PHACTR2: variants seen among roughly 807,000 people sequenced by gnomAD.
PHACTR2 encodes the protein phosphatase and actin regulator 2.
Under a neutral mutation model 76.0 loss-of-function variants are expected in PHACTR2, and 30 were observed. The ratio of observed to expected loss-of-function variants is 0.39; its 90% CI spans 0.30 to 0.54. The LOEUF (loss-of-function observed/expected upper bound fraction) is 0.54, where lower values mean the gene tolerates loss of function less well. PHACTR2 is among the 20% of genes least tolerant of loss of function. The pLI, the probability that PHACTR2 is intolerant of heterozygous loss-of-function variation, is 0.61. For synonymous variants in PHACTR2, 292 were observed against 292.5 expected (o/e 1.00, Z 0.02); for missense variants, 696 against 781.1 (o/e 0.89, Z 1.30).
Position 143,742,162 on chromosome 6 carries a change from A to G in PHACTR2, c.215-6823A>G, listed in dbSNP as rs1214158451. ...CTTTTTTGATTAGTCAGGGCTCTTC[A>G]CTGCTGATGAATCATGACAAACTTA... On this transcript the variant is annotated intron_variant, in intron 2 of 12. Transcript: ENST00000440869. The surrounding 1 kb of genome is among the most constrained non-coding windows in gnomAD (Gnocchi z 4.5). Among the ~76,000 whole-genome samples, 3 of 145,684 alleles carry G rather than the reference A, an allele frequency of 2.1e-5. No homozygotes were observed. The highest frequency in any genetic ancestry group is 8.3e-5 in the African/African-American group (3 of 36,218).
rs188928642 is a variant in PHACTR2 at position 143,708,929 on chromosome 6, C to T, written c.47-3087C>T. On this transcript the variant is annotated intron_variant, in intron 1 of 12. Coordinates refer to ENST00000440869, the MANE Select transcript of PHACTR2 (RefSeq NM_001100164.2). This position sits in a 1 kb window ranked among gnomAD's most constrained non-coding sequence, Gnocchi z 5.5. ...AGAAAATGAAAACTGGACATGTAGC[C>T]ACAGAGATGAATTTGAGATGGAAAC... 2.4e-4 allele frequency among the ~76,000 whole-genome samples: 36 copies of T among 152,236 alleles called. No homozygotes were observed. Among genetic ancestry groups the T allele is most frequent in the Non-Finnish European group, 2.2e-4 (15 of 68,012 alleles).
Position 143,556,905 on chromosome 6 carries a change from C to T in PHACTR2, c.217+19698C>T, listed in dbSNP as rs957562615. On this transcript the variant is annotated intron_variant, in intron 1 of 11. Transcript: ENST00000367584. The surrounding 1 kb of genome is among the most constrained non-coding windows in gnomAD (Gnocchi z 4.3). ...AACTAATAAAAATGATGCACAAAGA[C>T]GTGAGAAGATATGCTGCCTGTCTGT... Among the ~76,000 whole-genome samples, 7 of 152,142 alleles carry T rather than the reference C, an allele frequency of 4.6e-5. No individual in the cohort carries two copies. Among genetic ancestry groups the T allele is most frequent in the Admixed American group, 1.3e-4 (2 of 15,284 alleles).
At chr6:143,814,092 A>T (rs994644412) in intron 12 of PHACTR2, among the ~76,000 whole-genome samples, 5 of 152,240 alleles carry the variant, frequency 3.3e-5, no homozygotes, top group Admixed American at 6.5e-5. Flanking sequence ...ACAGTGGCTC[A>T]TGCCTGTAAT....
chr6:143,754,473 C>G lies in PHACTR2; in HGVS notation c.454+561C>G, dbSNP rs958308945. On this transcript the variant is annotated intron_variant, in intron 4 of 12. Transcript: ENST00000440869. This position sits in a 1 kb window ranked among gnomAD's most constrained non-coding sequence, Gnocchi z 6.2. Reference sequence around the variant, plus strand: ...ACTGTGGTTGCTCTGCTGGCTGATTCCCACAGCCTCTGTGCAATTGGAAAC... The same window carrying G: ...ACTGTGGTTGCTCTGCTGGCTGATTGCCACAGCCTCTGTGCAATTGGAAAC... Among the ~76,000 whole-genome samples, 1 of 152,220 alleles carries G rather than the reference C, an allele frequency of 6.6e-6. No individual in the cohort carries two copies. The highest frequency in any genetic ancestry group is 2.4e-5 in the African/African-American group (1 of 41,460).
rs912487823 is a variant in PHACTR2 at position 143,663,630 on chromosome 6, T to C, written c.14-48386T>C. Among the ~76,000 whole-genome samples the C allele has an allele frequency of 6.6e-6, 1 of 152,198 alleles. No individual in the cohort carries two copies. Among genetic ancestry groups the C allele is most frequent in the Non-Finnish European group, 1.5e-5 (1 of 68,032 alleles). ...TTCTACATGTTTTATAGTGCTTTCATTGTTGTTTAGTTCTAAATATTTTAT... is the reference window on the plus strand; with the variant it reads ...TTCTACATGTTTTATAGTGCTTTCACTGTTGTTTAGTTCTAAATATTTTAT... On this transcript the variant is annotated intron_variant, in intron 1 of 11. Coordinates refer to the PHACTR2 transcript ENST00000305766. This position sits in a 1 kb window ranked among gnomAD's most constrained non-coding sequence, Gnocchi z 4.1.
Position 143,783,005 on chromosome 6 carries a change from A to ATGTGTGTGTGTGTGTGTGTG in PHACTR2, c.1646-202_1646-183dup, listed in dbSNP as rs144077213. Among the ~76,000 whole-genome samples the ATGTGTGTGTGTGTGTGTGTG allele has an allele frequency of 4.8e-5, 7 of 146,220 alleles. No homozygotes were observed. The highest frequency in any genetic ancestry group is 2.0e-4 in the East Asian group (1 of 4,928). On this transcript the variant is annotated intron_variant, in intron 9 of 12. Transcript: ENST00000440869. This position sits in a 1 kb window ranked among gnomAD's most constrained non-coding sequence, Gnocchi z 5.2. ...AGCAAACCAGTCCTACAAAAAAAGC[A>ATGTGTGTGTGTGTGTGTGTG]TGTGTGTGTGTGTGTGTGTGTGTGT...
rs1775612594 is a variant in PHACTR2 at position 143,585,047 on chromosome 6, A to C, written c.217+47840A>C. ...TCTATAGGCTTGGCTGTCATAACTC[A>C]AGTTGTTGGGGGACACATGACTATT... is the stretch of plus-strand genomic sequence containing the variant. On this transcript the variant is annotated intron_variant, in intron 1 of 11. Transcript: ENST00000367584. This position sits in a 1 kb window ranked among gnomAD's most constrained non-coding sequence, Gnocchi z 5.2. Among the ~76,000 whole-genome samples the C allele has an allele frequency of 6.6e-6, 1 of 151,452 alleles. No homozygotes were observed. The highest frequency in any genetic ancestry group is 6.6e-5 in the Admixed American group (1 of 15,206).
intron 1 of PHACTR2, among the ~76,000 whole-genome samples, chr6:143,699,530 A>T (rs116430905): frequency 5.9e-4 from 90 of 152,244 alleles, no homozygotes; most frequent in African/African-American, 2.1e-3. Context: ...AGACTCCACC[A>T]AATAACTTCA....
At chr6:143,729,256 T>C (rs1247139224) in intron 2 of PHACTR2, among the ~76,000 whole-genome samples, 1 of 152,192 alleles carries the variant, frequency 6.6e-6, no homozygotes, top group Non-Finnish European at 1.5e-5. Flanking sequence ...CTTTGTTGTA[T>C]ATGTGATTTG....
At chr6:143,682,727 G>T (rs1336400479) in intron 1 of PHACTR2, among the ~76,000 whole-genome samples, 3 of 151,614 alleles carry the variant, frequency 2.0e-5, no homozygotes, top group Admixed American at 2.0e-4. Context: ...AGTGGCAGTT[G>T]TGAGCATTTT....
rs984782466 is a variant in PHACTR2 at position 143,611,449 on chromosome 6, G to A, written c.13+3127G>A. Among the ~76,000 whole-genome samples the A allele has an allele frequency of 7.9e-5, 12 of 152,206 alleles. No individual in the cohort carries two copies. The highest frequency in any genetic ancestry group is 1.8e-4 in the Non-Finnish European group (12 of 68,034). On this transcript the variant is annotated intron_variant, in intron 1 of 11. Transcript: ENST00000305766. The surrounding 1 kb of genome is among the most constrained non-coding windows in gnomAD (Gnocchi z 4.4). ...GAAGGGTTTGGAGTGGAGTAGTCGAGAGCATCAGATAATTTTAGCTGAACG... is the reference window on the plus strand; with the variant it reads ...GAAGGGTTTGGAGTGGAGTAGTCGAAAGCATCAGATAATTTTAGCTGAACG...
At position 143,619,328 on chromosome 6, in the gene PHACTR2, C is replaced by T. The variant is rs946112609; in HGVS notation, c.13+11006C>T. ...TTAAGAAATGCTTCACAGATGATTC[C>T]TCTACGCCCTGGTGAGACCCATTAT... is the stretch of plus-strand genomic sequence containing the variant. On this transcript the variant is annotated intron_variant, in intron 1 of 11. Coordinates refer to the PHACTR2 transcript ENST00000305766. This position sits in a 1 kb window ranked among gnomAD's most constrained non-coding sequence, Gnocchi z 4.5. 6.6e-6 allele frequency among the ~76,000 whole-genome samples: 1 copy of T among 152,204 alleles called. No individual in the cohort carries two copies. The highest frequency in any genetic ancestry group is 6.5e-5 in the Admixed American group (1 of 15,286).
intron 1 of PHACTR2, among the ~76,000 whole-genome samples, chr6:143,593,092 A>G (rs964041109): frequency 6.7e-6 from 1 of 149,194 alleles, no homozygotes; most frequent in Non-Finnish European, 1.5e-5. Context: ...GAGATTATCT[A>G]TTTGAGAGGA....
chr6:143,600,280 G>A (rs980832224), intron 1 of PHACTR2, among the ~76,000 whole-genome samples: 1 of 152,186 alleles, frequency 6.6e-6, no homozygotes, highest in East Asian at 1.9e-4. Flanking sequence ...TGCTGGTTTT[G>A]TAACAGTAGA....
intron 2 of PHACTR2, among the ~76,000 whole-genome samples, chr6:143,748,652 A>G (rs182354405): frequency 1.3e-3 from 192 of 152,322 alleles, no homozygotes; most frequent in African/African-American, 4.5e-3. Flanking sequence ...ATAGAATTAT[A>G]TGTTTTAGAA....
At position 143,619,860 on chromosome 6, in the gene PHACTR2, G is replaced by C. The variant is rs1485610582; in HGVS notation, c.13+11538G>C. 6.6e-6 allele frequency among the ~76,000 whole-genome samples: 1 copy of C among 152,138 alleles called. No individual in the cohort carries two copies. Among genetic ancestry groups the C allele is most frequent in the Non-Finnish European group, 1.5e-5 (1 of 68,032 alleles). ...GACAGCGGTCAGTATGGTATAAAGAGTGAAAATATCTTAGGTCCCCTGTGT... is the reference window on the plus strand; with the variant it reads ...GACAGCGGTCAGTATGGTATAAAGACTGAAAATATCTTAGGTCCCCTGTGT... On this transcript the variant is annotated intron_variant, in intron 1 of 11. Coordinates refer to the PHACTR2 transcript ENST00000305766. The surrounding 1 kb of genome is among the most constrained non-coding windows in gnomAD (Gnocchi z 4.5).
rs1777580017 is a variant in PHACTR2 at position 143,688,933 on chromosome 6, A to T, written c.46+10724A>T. Reference sequence around the variant, plus strand: ...TGGAATGAAATCCAGATTGCATAGTATGGCCCTCGAGGCTCTACATGAGCC... The same window carrying T: ...TGGAATGAAATCCAGATTGCATAGTTTGGCCCTCGAGGCTCTACATGAGCC... On this transcript the variant is annotated intron_variant, in intron 1 of 12. Coordinates refer to ENST00000440869, the MANE Select transcript of PHACTR2 (RefSeq NM_001100164.2). The surrounding 1 kb of genome is among the most constrained non-coding windows in gnomAD (Gnocchi z 5.2). Among the ~76,000 whole-genome samples, 1 of 152,196 alleles carries T rather than the reference A, an allele frequency of 6.6e-6. No homozygotes were observed. Among genetic ancestry groups the T allele is most frequent in the African/African-American group, 2.4e-5 (1 of 41,460 alleles).
chr6:143,645,016 C>T (rs1472225890), intron 1 of PHACTR2, among the ~76,000 whole-genome samples: 1 of 132,842 alleles, frequency 7.5e-6, no homozygotes, highest in African/African-American at 2.8e-5. Context: ...TTGTGTCATT[C>T]TTATGCCTTT....
rs1781132053 is a variant in PHACTR2 at position 143,537,790 on chromosome 6, C to A, written c.217+583C>A. 6.6e-6 allele frequency among the ~76,000 whole-genome samples: 1 copy of A among 152,124 alleles called. No homozygotes were observed. The highest frequency in any genetic ancestry group is 6.5e-5 in the Admixed American group (1 of 15,282). On this transcript the variant is annotated intron_variant, in intron 1 of 11. Coordinates refer to the PHACTR2 transcript ENST00000367584. This position sits in a 1 kb window ranked among gnomAD's most constrained non-coding sequence, Gnocchi z 4.4. ...GGGAGAGTTTGGCGGGCTGTTTGTGCCTCTCATCCTTTAACATGTTTTGAA... is the reference window on the plus strand; with the variant it reads ...GGGAGAGTTTGGCGGGCTGTTTGTGACTCTCATCCTTTAACATGTTTTGAA...
Sources: allele counts gnomAD v4.1 joint callset (sites outside exome capture counted in the v4.1 genomes callset), GRCh38; gene constraint gnomAD v4.1.1; non-coding constraint Gnocchi (gnomAD v3.1); transcripts MANE v1.5; gene names NCBI Gene and HGNC (gene_info 2026-07-23, HGNC 2026-07-21).